Variants in SGMS1 observed in about 807,000 individuals in gnomAD.
SGMS1 encodes the protein phosphatidylcholine:ceramide cholinephosphotransferase 1.
A neutral mutation model predicts 46.2 loss-of-function variants in SGMS1; 13 were observed. The ratio of observed to expected loss-of-function variants is 0.28; its 90% CI spans 0.18 to 0.45. The LOEUF is 0.45. Among genes scored for constraint, SGMS1 ranks in the 20% least tolerant of loss-of-function variants. The pLI is 1.00. For synonymous variants in SGMS1, 203 were observed against 187.8 expected (o/e 1.08, Z -0.66); for missense variants, 324 against 519.9 (o/e 0.62, Z 3.66).
At chr10:50,606,463 T>G (rs1838694800) in intron 1 of SGMS1, among the ~76,000 whole-genome samples, 1 of 152,242 alleles carries the variant, frequency 6.6e-6, no homozygotes, top group Non-Finnish European at 1.5e-5. Flanking sequence ...GTTAAAATGG[T>G]ACATTTTGTG....
At chr10:50,554,517 G>A (rs1262541476) in intron 2 of SGMS1, among the ~76,000 whole-genome samples, 1 of 152,104 alleles carries the variant, frequency 6.6e-6, no homozygotes, top group East Asian at 1.9e-4. Context: ...AAAAAACAAA[G>A]GTTCCCTGCT....
chr10:50,333,611 C>G (rs1028009507), intron 7 of SGMS1, among the ~76,000 whole-genome samples: 6 of 152,142 alleles, frequency 3.9e-5, no homozygotes, highest in Non-Finnish European at 8.8e-5. Flanking sequence ...CTACAGACTC[C>G]ATTTAGGAAA....
intron 1 of SGMS1, among the ~76,000 whole-genome samples, chr10:50,616,526 T>C (rs904883852): frequency 2.0e-5 from 3 of 152,146 alleles, no homozygotes; most frequent in Admixed American, 6.5e-5. Flanking sequence ...ATTCCAAGCA[T>C]CTCCTACAAT....
At chr10:50,423,248 T>C (rs1361265921) in intron 6 of SGMS1, among the ~76,000 whole-genome samples, 2 of 152,366 alleles carry the variant, frequency 1.3e-5, no homozygotes, top group East Asian at 3.9e-4. Context: ...TTGCTTCTGG[T>C]GTTTTATCAT....
chr10:50,525,852 C>T (rs757530879), intron 2 of SGMS1, among the ~76,000 whole-genome samples: 1 of 152,184 alleles, frequency 6.6e-6, no homozygotes, highest in African/African-American at 2.4e-5. Context: ...TTCTCCAAAG[C>T]AAGACATTTT....
At chr10:50,564,845 G>A (rs1017430859) in intron 2 of SGMS1, among the ~76,000 whole-genome samples, 13 of 150,442 alleles carry the variant, frequency 8.6e-5, no homozygotes, top group Non-Finnish European at 1.8e-4. Context: ...TGTGCACATT[G>A]TGCAGGTTAG....
rs888497774 is a variant in SGMS1 at position 50,532,374 on chromosome 10, G to C, written c.-588-12453C>G. Reference sequence around the variant, plus strand: ...TCCAAGACCCTGAACTAGAATAACTGGATAAATAATTATCTTACTTGTTTG... The same window carrying C: ...TCCAAGACCCTGAACTAGAATAACTCGATAAATAATTATCTTACTTGTTTG... On this transcript the variant is annotated intron_variant, in intron 2 of 10. Transcript: ENST00000361781. 4.0e-5 allele frequency among the ~76,000 whole-genome samples: 6 copies of C among 151,772 alleles called. No individual in the cohort carries two copies. In the East Asian group the frequency reaches 1.2e-3, roughly 29 times the overall value.
At chr10:50,502,321 A>C (rs1168260749) in intron 3 of SGMS1, among the ~76,000 whole-genome samples, 2 of 151,442 alleles carry the variant, frequency 1.3e-5, no homozygotes, top group Non-Finnish European at 2.9e-5. Context: ...AAAAAAAAAA[A>C]AACCAGCACA....
At chr10:50,374,308 A>C (rs1848490549) in intron 6 of SGMS1, among the ~76,000 whole-genome samples, 1 of 152,124 alleles carries the variant, frequency 6.6e-6, no homozygotes. Flanking sequence ...CTTCTCCTCC[A>C]AGCCAACTCC....
intron 2 of SGMS1, among the ~76,000 whole-genome samples, chr10:50,527,014 G>A (rs902107436): frequency 5.6e-5 from 8 of 142,100 alleles, no homozygotes; most frequent in Non-Finnish European, 1.2e-4. Context: ...GCAGTGAGCC[G>A]AGATATCGCC....
rs370290055 is a variant in SGMS1, at chr10:50,340,945, T to C, written c.623+2547A>G. Among the ~76,000 whole-genome samples the C allele has an allele frequency of 2.6e-5, 4 of 152,290 alleles. No individual in the cohort carries two copies. In the East Asian group the frequency reaches 7.7e-4, roughly 29 times the overall value. The stretch of plus-strand genomic sequence containing the variant: ...GACTTTTAAAATCAAAGTAAAAATA[T>C]TCTGTTGGGAATTACTGGCCAAATA... On this transcript the variant is annotated intron_variant, in intron 7 of 10. Coordinates refer to ENST00000361781, the MANE Select transcript of SGMS1 (RefSeq NM_147156.4).
At chr10:50,551,195 A>G (rs1187916462) in intron 2 of SGMS1, among the ~76,000 whole-genome samples, 4 of 151,976 alleles carry the variant, frequency 2.6e-5, no homozygotes, top group Non-Finnish European at 2.9e-5. Context: ...TATCAACGTG[A>G]GCAGTCATGT....
chr10:50,519,568 C>G (rs1383950964), intron 3 of SGMS1, among the ~76,000 whole-genome samples: 1 of 152,228 alleles, frequency 6.6e-6, no homozygotes, highest in African/African-American at 2.4e-5. Flanking sequence ...GTGGCCTTTG[C>G]TTTATGCATT....
intron 6 of SGMS1, among the ~76,000 whole-genome samples, chr10:50,407,182 T>C (rs1218988312): frequency 5.3e-5 from 8 of 152,296 alleles, no homozygotes; most frequent in African/African-American, 1.7e-4. Flanking sequence ...TCCAGTTCTG[T>C]CCCTATCATG....
At chr10:50,412,311 T>A (rs1204710304) in intron 6 of SGMS1, among the ~76,000 whole-genome samples, 1 of 152,238 alleles carries the variant, frequency 6.6e-6, no homozygotes, top group African/African-American at 2.4e-5. Flanking sequence ...CGCCTCTTCC[T>A]AAGCCATGGA....
intron 1 of SGMS1, among the ~76,000 whole-genome samples, chr10:50,600,421 G>A (rs1483783752): frequency 1.3e-5 from 2 of 152,146 alleles, no homozygotes; most frequent in Non-Finnish European, 2.9e-5. Context: ...TTAGTGACAC[G>A]CCCAGATGAG....
chr10:50,525,292 C>T (rs1837891017), intron 2 of SGMS1, among the ~76,000 whole-genome samples: 1 of 152,146 alleles, frequency 6.6e-6, no homozygotes, highest in South Asian at 2.1e-4. Context: ...CCCATCTAAG[C>T]CCTGTGTGCC....
intron 6 of SGMS1, among the ~76,000 whole-genome samples, chr10:50,432,320 T>C (rs1369118179): frequency 6.6e-6 from 1 of 152,184 alleles, no homozygotes; most frequent in Non-Finnish European, 1.5e-5. Flanking sequence ...ATCTCATCAC[T>C]TCCTATTATT....
At chr10:50,582,670 G>T (rs1367702985) in intron 2 of SGMS1, among the ~76,000 whole-genome samples, 1 of 152,190 alleles carries the variant, frequency 6.6e-6, no homozygotes, top group African/African-American at 2.4e-5. Context: ...TCTTAGGAAT[G>T]TTCCCTTAAA....
Sources: allele counts gnomAD v4.1 joint callset (sites outside exome capture counted in the v4.1 genomes callset), GRCh38; gene constraint gnomAD v4.1.1; transcripts MANE v1.5; gene names NCBI Gene and HGNC (gene_info 2026-07-23, HGNC 2026-07-21).